Variants in HCN1 observed in about 807,000 individuals in gnomAD.
HCN1 encodes potassium/sodium hyperpolarization-activated cyclic nucleotide-gated channel 1.
In HCN1, 13 loss-of-function variants were observed where a neutral mutation model predicts 78.9. The ratio of observed to expected loss-of-function variants is 0.16; its 90% CI spans 0.11 to 0.26. The LOEUF (loss-of-function observed/expected upper bound fraction) is 0.26. Among genes scored for constraint, HCN1 ranks in the 10% least tolerant of loss-of-function variants. HCN1 has a pLI of 1.00. For missense variants in HCN1, 810 were observed against 1,154.3 expected, an observed-to-expected ratio of 0.70 and a Z score of 4.32; for synonymous variants, 552 against 455.5, an observed-to-expected ratio of 1.21 and a Z score of -2.70.
rs10642474 is a variant in HCN1 at position 45,366,164 on chromosome 5, TTGTGTG to T, written c.1231-12924_1231-12919del. ...ACTGATTGTTGTTACATTATAGCAT[TTGTGTG>T]TGTGTGTGTGTGTGTGTGTGTATGT... is the stretch of plus-strand genomic sequence containing the variant. On this transcript the variant is annotated intron_variant, in intron 4 of 7. Coordinates refer to ENST00000303230, the MANE Select transcript of HCN1 (RefSeq NM_021072.4). Among the ~76,000 whole-genome samples, 33 of 146,998 alleles carry T rather than the reference TTGTGTG, an allele frequency of 2.2e-4. No homozygotes were observed. The South Asian group carries it at 3.2e-3, about 14-fold the overall frequency.
intron 2 of HCN1, among the ~76,000 whole-genome samples, chr5:45,482,527 A>G (rs1242927021): frequency 6.6e-5 from 10 of 152,184 alleles, no homozygotes; most frequent in African/African-American, 2.4e-4. Flanking sequence ...CAATAAATGT[A>G]ATATAGTTGA....
At position 45,303,590 on chromosome 5, in the gene HCN1, T is replaced by C. The variant is rs1467443579; in HGVS notation, c.1618+9A>G. 3.7e-6 allele frequency: 6 copies of C among 1,613,016 alleles called. No individual in the cohort carries two copies. Among genetic ancestry groups the C allele is most frequent in the Non-Finnish European group, 5.1e-6 (6 of 1,179,548 alleles). On this transcript the variant is annotated intron_variant, in intron 6 of 7. Coordinates refer to ENST00000303230, the MANE Select transcript of HCN1 (RefSeq NM_021072.4). ...TAGATTTCATCTTAGTTGCATCTTT[T>C]TTACTAACCTCCAAAGTAAGAGCCA... is the stretch of plus-strand genomic sequence containing the variant.
At chr5:45,498,247 T>C (rs527587665) in intron 2 of HCN1, among the ~76,000 whole-genome samples, 32 of 151,532 alleles carry the variant, frequency 2.1e-4, no homozygotes, top group South Asian at 1.0e-3. Flanking sequence ...TTTGGTCTTT[T>C]CACATAGTCC....
chr5:45,658,876 G>C (rs1448875194), intron 1 of HCN1, among the ~76,000 whole-genome samples: 147 of 149,264 alleles, frequency 9.8e-4, no homozygotes, highest in Middle Eastern at 7.1e-3. Context: ...GAGGCTGGGG[G>C]AGGGGCGCCC....
chr5:45,624,647 A>T (rs1745128531), intron 2 of HCN1, among the ~76,000 whole-genome samples: 1 of 152,148 alleles, frequency 6.6e-6, no homozygotes, highest in African/African-American at 2.4e-5. Flanking sequence ...TTCTATTGAT[A>T]GAGACCTCAA....
intron 2 of HCN1, among the ~76,000 whole-genome samples, chr5:45,543,115 C>T (rs1039995923): frequency 3.3e-5 from 5 of 151,990 alleles, no homozygotes; most frequent in African/African-American, 4.8e-5. Context: ...TCTTTTTATA[C>T]CCATAAGGCA....
chr5:45,451,257 T>C (rs905905791), intron 3 of HCN1, among the ~76,000 whole-genome samples: 4 of 152,146 alleles, frequency 2.6e-5, no homozygotes, highest in Admixed American at 2.6e-4. Context: ...TTTATTTACA[T>C]TTCTTTTTAA....
chr5:45,649,687 T>C (rs567638405), intron 1 of HCN1, among the ~76,000 whole-genome samples: 1 of 152,246 alleles, frequency 6.6e-6, no homozygotes, highest in African/African-American at 2.4e-5. Flanking sequence ...TGATTCAAGT[T>C]ATTTAAAGTT....
chr5:45,611,922 G>GA, intron 2 of HCN1, among the ~76,000 whole-genome samples: 1 of 151,156 alleles, frequency 6.6e-6, no homozygotes, highest in African/African-American at 2.4e-5. Flanking sequence ...TTGGGAAGCT[G>GA]AAAAAAAAAT....
At chr5:45,330,567 T>C (rs549113027) in intron 5 of HCN1, among the ~76,000 whole-genome samples, 3 of 150,826 alleles carry the variant, frequency 2.0e-5, no homozygotes, top group African/African-American at 7.3e-5. Context: ...TAGAAAAAAT[T>C]AAAAATGCAG....
intron 2 of HCN1, among the ~76,000 whole-genome samples, chr5:45,494,178 T>G (rs1459787711): frequency 6.6e-6 from 1 of 152,144 alleles, no homozygotes; most frequent in Non-Finnish European, 1.5e-5. Flanking sequence ...ATCGCCACAC[T>G]GACTTCCACA....
intron 4 of HCN1, among the ~76,000 whole-genome samples, chr5:45,391,266 A>G (rs1739555927): frequency 6.6e-6 from 1 of 152,094 alleles, no homozygotes; most frequent in South Asian, 2.1e-4. Context: ...GGGTATCAAA[A>G]CATTTTTTAT....
At chr5:45,608,191 G>A (rs1182659276) in intron 2 of HCN1, among the ~76,000 whole-genome samples, 1 of 151,844 alleles carries the variant, frequency 6.6e-6, no homozygotes, top group African/African-American at 2.4e-5. Flanking sequence ...TTAGAAAATT[G>A]TAAAATTTTA....
intron 1 of HCN1, among the ~76,000 whole-genome samples, chr5:45,658,462 G>A (rs946621830): frequency 4.6e-5 from 7 of 152,282 alleles, no homozygotes; most frequent in Middle Eastern, 3.4e-3. Flanking sequence ...CAAGATGGCC[G>A]AATAGGAACA....
rs1579757730 is a variant in HCN1 at position 45,255,998 on chromosome 5, T to G, written c.*5923A>C. The G allele has an allele frequency of 6.6e-6, 1 of 152,214 alleles. No homozygotes were observed. 9.4% of individuals were successfully genotyped at this position (152,214 alleles called of 1,614,324 possible). ...TCTTTTGAAGAATTATTATATTTAC[T>G]AATTTATTCAGATTTCTTCAATTGA... On this transcript the variant is annotated 3_prime_UTR_variant, in exon 8 of 8. Coordinates refer to ENST00000303230, the MANE Select transcript of HCN1 (RefSeq NM_021072.4).
At chr5:45,543,060 T>A (rs1410477554) in intron 2 of HCN1, among the ~76,000 whole-genome samples, 1 of 152,124 alleles carries the variant, frequency 6.6e-6, no homozygotes, top group Non-Finnish European at 1.5e-5. Context: ...CCAACTGACA[T>A]CTTACTCTCC....
intron 6 of HCN1, among the ~76,000 whole-genome samples, chr5:45,273,871 C>T (rs906408037): frequency 6.6e-6 from 1 of 152,010 alleles, no homozygotes; most frequent in Non-Finnish European, 1.5e-5. Context: ...CTGTATGGCA[C>T]AGGAAATGAT....
intron 4 of HCN1, among the ~76,000 whole-genome samples, chr5:45,377,801 C>T (rs1393471367): frequency 6.6e-6 from 1 of 151,852 alleles, no homozygotes; most frequent in Non-Finnish European, 1.5e-5. Context: ...GTAGCTCAAA[C>T]CTACAGCTAG....
At chr5:45,606,312 G>A (rs541445623) in intron 2 of HCN1, among the ~76,000 whole-genome samples, 1 of 151,546 alleles carries the variant, frequency 6.6e-6, no homozygotes, top group South Asian at 2.1e-4. Context: ...GTGGGGTAGG[G>A]GTGCATATAT....
Sources: allele counts gnomAD v4.1 joint callset (sites outside exome capture counted in the v4.1 genomes callset), GRCh38; gene constraint gnomAD v4.1.1; transcripts MANE v1.5; gene names NCBI Gene and HGNC (gene_info 2026-07-23, HGNC 2026-07-21).